The following TMEM165 variants were observed in gnomAD, a reference collection of about 807,000 sequenced individuals.
TMEM165 encodes transmembrane protein 165.
In TMEM165, 19 loss-of-function variants were observed where a neutral mutation model predicts 30.0. That is an observed-to-expected ratio of 0.63 (90% CI 0.44 to 0.93). TMEM165 has a LOEUF of 0.93. Among genes scored for constraint, TMEM165 ranks in the 40% least tolerant of loss-of-function variants. The probability of loss-of-function intolerance (pLI) is 0.00; values close to 1 mark genes in which losing one functional copy is unlikely to be tolerated. For synonymous variants in TMEM165, 168 were observed against 162.9 expected (o/e 1.03, Z -0.24); for missense variants, 340 against 417.0 (o/e 0.82, Z 1.61).
chr4:55,425,247 A>G, intron 5 of TMEM165, 129 bp from the exon 6 acceptor site: 1 of 691,060 alleles, frequency 1.4e-6, no homozygotes, highest in Middle Eastern at 2.6e-4. Flanking sequence ...AAGTGATTCT[A>G]ATTTGTTTTC....
intron 3 of TMEM165, chr4:55,442,261 A>G (rs1442869686): frequency 3.2e-6 from 2 of 634,350 alleles, no homozygotes; most frequent in African/African-American, 3.7e-5. Context: ...TTAATTATGA[A>G]GTCTTTAAAC....
At chr4:55,400,243 A>ATATTATAAT (rs1553884894) in intron 1 of TMEM165, among the ~76,000 whole-genome samples, 1 of 42,596 alleles carries the variant, frequency 2.3e-5, no homozygotes, top group Non-Finnish European at 5.5e-5. Flanking sequence ...AATGTAATTA[A>ATATTATAAT]TATTATATTA....
At chr4:55,450,210 T>C (rs1428896776) in intron 3 of TMEM165, 5 of 1,613,918 alleles carry the variant, frequency 3.1e-6, no homozygotes, top group Non-Finnish European at 4.2e-6. Flanking sequence ...GTTTATACGA[T>C]TATCTGACCC....
chr4:55,410,290 A>G (rs940487367), intron 1 of TMEM165, among the ~76,000 whole-genome samples: 4 of 152,222 alleles, frequency 2.6e-5, no homozygotes, highest in Non-Finnish European at 4.4e-5. Flanking sequence ...TCTGAGCAGC[A>G]TAGAATAACG....
chr4:55,423,120 A>C (rs1342107013), intron 4 of TMEM165: 1 of 152,034 alleles, frequency 6.6e-6, no homozygotes, highest in Non-Finnish European at 1.5e-5. Context: ...TATTTTTAAG[A>C]GACGGGATCT....
chr4:55,408,731 C>T (rs1317278907), intron 1 of TMEM165, among the ~76,000 whole-genome samples: 1 of 152,040 alleles, frequency 6.6e-6, no homozygotes, highest in African/African-American at 2.4e-5. Context: ...GACTGTGTAG[C>T]TTTGATCACT....
At chr4:55,453,339 C>A in exon 4 of TMEM165, 2 of 528,350 alleles carry the variant, frequency 3.8e-6, no homozygotes, top group Non-Finnish European at 6.7e-6. Flanking sequence ...TGTAAACGAT[C>A]CATAACCACA....
intron 4 of TMEM165, among the ~76,000 whole-genome samples, chr4:55,421,272 G>T: frequency 6.8e-6 from 1 of 146,108 alleles, no homozygotes; most frequent in Admixed American, 6.8e-5. Context: ...TTAATCTAGT[G>T]AATTTTTAAA....
chr4:55,429,706 C>A (rs62303689), downstream of TMEM165: 15,322 of 152,186 alleles, frequency 0.1, 1,054 homozygotes, highest in Non-Finnish European at 0.14. Flanking sequence ...GTCATACTGG[C>A]CTTTGACTGT....
At chr4:55,443,872 C>CAA in intron 3 of TMEM165, 1 of 1,612,844 alleles carries the variant, frequency 6.2e-7, no homozygotes, top group Non-Finnish European at 8.5e-7. Context: ...AAATTCAACC[C>CAA]AGGATTTGAT....
chr4:55,435,174 G>A, intron 3 of TMEM165: 1 of 529,506 alleles, frequency 1.9e-6, no homozygotes, highest in Non-Finnish European at 3.4e-6. Context: ...AAAATATCCA[G>A]GCACCTAAAA....
intron 1 of TMEM165, among the ~76,000 whole-genome samples, chr4:55,400,308 A>ATTATATATAATATAT (rs1720929176): frequency 2.9e-5 from 3 of 102,940 alleles, no homozygotes; most frequent in African/African-American, 1.1e-4. Context: ...TATTATATAT[A>ATTATATATAATATAT]ATATTAATAC....
At chr4:55,426,402 A>AGTC (rs1314274093), downstream of TMEM165, among the ~76,000 whole-genome samples, 1 of 152,228 alleles carries the variant, frequency 6.6e-6, no homozygotes, top group Non-Finnish European at 1.5e-5. Context: ...TACATGGTAG[A>AGTC]GTCACACCAG....
chr4:55,406,463 G>T (rs1276345526), intron 1 of TMEM165, among the ~76,000 whole-genome samples: 1 of 152,108 alleles, frequency 6.6e-6, no homozygotes, highest in African/African-American at 2.4e-5. Flanking sequence ...TTGAGACGTG[G>T]TGTGTATTTA....
intron 1 of TMEM165, among the ~76,000 whole-genome samples, chr4:55,400,283 A>T (rs1191471680): frequency 9.6e-6 from 1 of 104,654 alleles, no homozygotes. Flanking sequence ...ATATAATATT[A>T]TATATTATAT....
rs71194554 is a variant in TMEM165 at position 55,402,795 on chromosome 4, C to CTTTTTTTTTTTTTTTTTTTTTT, written c.207+6413_207+6414insTTTTTTTTTTTTTTTTTTTTTT. Among the ~76,000 whole-genome samples the CTTTTTTTTTTTTTTTTTTTTTT allele has an allele frequency of 6.2e-4, 44 of 71,414 alleles. 12 individuals are homozygous for CTTTTTTTTTTTTTTTTTTTTTT. The highest frequency in any genetic ancestry group is 8.7e-4 in the Non-Finnish European group (36 of 41,216). The allele number at this position is 71,414 out of a possible 152,430, so 46.9% of individuals were successfully genotyped here. A position where few individuals can be genotyped will look rare whatever the true frequency, so the allele number is the denominator to read the frequency against. On this transcript the variant is annotated intron_variant, in intron 1 of 5. Transcript: ENST00000381334. ...ACATTTTTACAACTTTTAAAAAAAG[C>CTTTTTTTTTTTTTTTTTTTTTT]TTTTTTTTTTTTTTGAGACGGAGTC...
downstream of TMEM165, among the ~76,000 whole-genome samples, chr4:55,427,238 AT>A (rs1196685743): frequency 6.6e-6 from 1 of 150,758 alleles, no homozygotes; most frequent in African/African-American, 2.4e-5. Context: ...GAGTTTCGCC[AT>A]GCTGGCCAGG....
chr4:55,420,333 A>G (rs1372164264), intron 4 of TMEM165, among the ~76,000 whole-genome samples: 1 of 150,120 alleles, frequency 6.7e-6, no homozygotes, highest in Non-Finnish European at 1.5e-5. Context: ...TGTGGCATAG[A>G]CTCTATGCCA....
At chr4:55,452,991 T>A in exon 4 of TMEM165, 1 of 1,142,858 alleles carries the variant, frequency 8.7e-7, no homozygotes, top group South Asian at 1.4e-5. Context: ...CTATTAATTA[T>A]TGAGTTTCAT....
Sources: allele counts gnomAD v4.1 joint callset (sites outside exome capture counted in the v4.1 genomes callset), GRCh38; gene constraint gnomAD v4.1.1; transcripts MANE v1.5; gene names NCBI Gene and HGNC (gene_info 2026-07-23, HGNC 2026-07-21).